EXOC5: variants seen among roughly 807,000 people sequenced by gnomAD.
EXOC5 encodes the protein SEC10-like 1.
A neutral mutation model predicts 90.8 loss-of-function variants in EXOC5; 17 were observed. That is an observed-to-expected ratio of 0.19 (90% CI 0.13 to 0.28). The LOEUF is 0.28. EXOC5 is among the 10% of genes least tolerant of loss of function. EXOC5 has a pLI of 1.00. For missense variants in EXOC5, 569 were observed against 830.6 expected, an observed-to-expected ratio of 0.69 and a Z score of 3.87; for synonymous variants, 260 against 270.0, an observed-to-expected ratio of 0.96 and a Z score of 0.36.
At chr14:57,227,491 T>C (rs1300770177) in intron 12 of EXOC5, among the ~76,000 whole-genome samples, 2 of 152,202 alleles carry the variant, frequency 1.3e-5, no homozygotes. Context: ...TATGATGTTA[T>C]ACATATCACA....
chr14:57,232,958 G>T, intron 9 of EXOC5: 1 of 427,614 alleles, frequency 2.3e-6, no homozygotes, highest in South Asian at 3.8e-5. Flanking sequence ...TACCTGTAGA[G>T]GATCTTTATC....
At chr14:57,220,327 T>A (rs1224480881) in intron 13 of EXOC5, among the ~76,000 whole-genome samples, 1 of 151,568 alleles carries the variant, frequency 6.6e-6, no homozygotes, top group African/African-American at 2.4e-5. Flanking sequence ...AAAATATGAA[T>A]CATTGTTATT....
intron 17 of EXOC5, 54 bp downstream of exon 17, chr14:57,209,513 C>G (rs1882761952): frequency 1.1e-6 from 1 of 942,038 alleles, no homozygotes; most frequent in Admixed American, 2.5e-5. Context: ...TTTTAATAAT[C>G]TGACTTATGC....
intron 1 of EXOC5, among the ~76,000 whole-genome samples, chr14:57,266,718 T>G (rs756783221): frequency 2.7e-3 from 291 of 109,058 alleles, no homozygotes; most frequent in South Asian, 4.0e-3. Flanking sequence ...TATATATATA[T>G]GTGTATGTGT....
chr14:57,259,493 C>G (rs1326336420), intron 1 of EXOC5, among the ~76,000 whole-genome samples: 1 of 152,184 alleles, frequency 6.6e-6, no homozygotes, highest in Non-Finnish European at 1.5e-5. Context: ...ACACTTCCGT[C>G]AGACTATTCC....
intron 1 of EXOC5, among the ~76,000 whole-genome samples, chr14:57,251,773 GT>G: frequency 6.6e-6 from 1 of 152,070 alleles, no homozygotes; most frequent in South Asian, 2.1e-4. Context: ...CCAGAAGTTG[GT>G]TTTCCGAAAA....
chr14:57,267,715 C>G (rs1240804783), intron 1 of EXOC5, among the ~76,000 whole-genome samples: 1 of 152,134 alleles, frequency 6.6e-6, no homozygotes, highest in Non-Finnish European at 1.5e-5. Context: ...TTATCTCAAA[C>G]TTTTATCACA....
intron 12 of EXOC5, among the ~76,000 whole-genome samples, 183 bp from the exon 13 acceptor site, chr14:57,222,599 A>G (rs1350157984): frequency 6.6e-6 from 1 of 151,772 alleles, no homozygotes; most frequent in Admixed American, 6.6e-5. Flanking sequence ...AATGCTCCAT[A>G]TTTATCTACA....
chr14:57,264,717 C>T (rs1000706622), intron 1 of EXOC5, among the ~76,000 whole-genome samples: 1 of 152,184 alleles, frequency 6.6e-6, no homozygotes, highest in African/African-American at 2.4e-5. Flanking sequence ...GTTCCACAAA[C>T]TCAAATCTAA....
At chr14:57,214,546 A>G (rs939683792) in intron 15 of EXOC5, among the ~76,000 whole-genome samples, 4 of 152,168 alleles carry the variant, frequency 2.6e-5, no homozygotes, top group Non-Finnish European at 5.9e-5. Flanking sequence ...TGAGTCTCAC[A>G]GTACAAGGAC....
intron 1 of EXOC5, among the ~76,000 whole-genome samples, chr14:57,260,165 C>T (rs758033473): frequency 7.2e-5 from 11 of 152,054 alleles, no homozygotes; most frequent in East Asian, 3.8e-4. Context: ...AGATTCTTTA[C>T]GTGTTTTCTG....
intron 1 of EXOC5, among the ~76,000 whole-genome samples, chr14:57,263,929 C>G (rs1371298141): frequency 6.6e-6 from 1 of 152,056 alleles, no homozygotes; most frequent in African/African-American, 2.4e-5. Context: ...CTTCTCCTGT[C>G]TGAAAAATCT....
rs942601422 is a variant in EXOC5 at position 57,202,209 on chromosome 14, G to A, written c.*6400C>T. On this transcript the variant is annotated 3_prime_UTR_variant, in exon 18 of 18. Coordinates refer to ENST00000621441, the MANE Select transcript of EXOC5 (RefSeq NM_006544.4). Reference sequence around the variant, plus strand: ...ACCCTATAATCTATAAAAATGTCCAGAGTCAAAAAAGTCAAGGAAAGACTG... The same window carrying A: ...ACCCTATAATCTATAAAAATGTCCAAAGTCAAAAAAGTCAAGGAAAGACTG... The A allele has an allele frequency of 5.3e-5, 8 of 152,068 alleles. No individual in the cohort carries two copies. The highest frequency in any genetic ancestry group is 1.7e-4 in the African/African-American group (7 of 41,396). The allele number at this position is 152,068 out of a possible 1,614,324, so 9.4% of individuals were successfully genotyped here.
chr14:57,227,067 C>G (rs932444577), intron 12 of EXOC5, among the ~76,000 whole-genome samples: 15 of 151,998 alleles, frequency 9.9e-5, no homozygotes, highest in Admixed American at 9.2e-4. Flanking sequence ...CAAATCATAT[C>G]TGATAAATTG....
rs2139654225 is a variant in EXOC5, at chr14:57,246,789, T to C, written c.192A>G (p.Val64=). Residue 64 remains valine, a synonymous_variant, in exon 3 of 18, where the codon GTA becomes GTG. Coordinates refer to ENST00000621441, the MANE Select transcript of EXOC5 (RefSeq NM_006544.4). ...QIMDERIQRK[V]EKLEQQCQKE... ...TCTGACATTGTTGCTCTAGTTTCTCTACTTTCCTCTGAATCCTTTCATCCA... is the reference window on the plus strand; with the variant it reads ...TCTGACATTGTTGCTCTAGTTTCTCCACTTTCCTCTGAATCCTTTCATCCA... 6.2e-7 allele frequency: 1 copy of C among 1,607,288 alleles called. No individual in the cohort carries two copies. The highest frequency in any genetic ancestry group is 2.2e-5 in the East Asian group (1 of 44,800).
chr14:57,253,620 C>T lies in EXOC5; in HGVS notation c.28-5908G>A, dbSNP rs189040352. Among the ~76,000 whole-genome samples, 296 of 152,222 alleles carry T rather than the reference C, an allele frequency of 1.9e-3. 1 individual carries two copies. The highest frequency in any genetic ancestry group is 6.8e-3 in the African/African-American group (284 of 41,530). On this transcript the variant is annotated intron_variant, in intron 1 of 17. Transcript: ENST00000621441. ...AATTTCAAAACTTACTACAAAGCTA[C>T]ACTGATCAAGACAGTATATGGTACT...
At chr14:57,218,180 T>C (rs1256565455) in intron 14 of EXOC5, 112 bp from the exon 15 acceptor site, 6 of 544,210 alleles carry the variant, frequency 1.1e-5, no homozygotes, top group Non-Finnish European at 2.0e-5. Flanking sequence ...TATATCCATA[T>C]ATACACATTA....
chr14:57,261,612 G>A (rs1884505684), intron 1 of EXOC5, among the ~76,000 whole-genome samples: 1 of 152,198 alleles, frequency 6.6e-6, no homozygotes, highest in Non-Finnish European at 1.5e-5. Context: ...AATAGTTAGT[G>A]GCCTAAAATA....
At chr14:57,209,316 A>G (rs1882755995) in intron 17 of EXOC5, among the ~76,000 whole-genome samples, 1 of 152,092 alleles carries the variant, frequency 6.6e-6, no homozygotes, top group Non-Finnish European at 1.5e-5. Context: ...ACTTGAGCCC[A>G]GGAGTAAGAG....
Sources: gnomAD v4.1 joint callset for allele counts (sites outside exome capture counted in the v4.1 genomes callset) on GRCh38, gnomAD v4.1.1 for gene constraint, MANE v1.5 for transcripts, NCBI Gene and HGNC (gene_info 2026-07-23, HGNC 2026-07-21) for gene names.